The following VDR variants were observed in gnomAD, a reference collection of about 807,000 sequenced individuals.
VDR encodes the protein vitamin D receptor.
Under a neutral mutation model 39.7 loss-of-function variants are expected in VDR, and 19 were observed. That is an observed-to-expected ratio of 0.48 (90% CI 0.33 to 0.70). VDR has a LOEUF of 0.70. Among genes scored for constraint, VDR ranks in the 30% least tolerant of loss-of-function variants. The pLI is 0.02. For synonymous variants in VDR, 242 were observed against 215.8 expected, an observed-to-expected ratio of 1.12 and a Z score of -1.07; for missense variants, 442 against 570.5, an observed-to-expected ratio of 0.77 and a Z score of 2.29.
chr12:47,893,470 A>C (rs1338062447), intron 1 of VDR, among the ~76,000 whole-genome samples: 2 of 152,240 alleles, frequency 1.3e-5, no homozygotes, highest in Non-Finnish European at 2.9e-5. Flanking sequence ...AATAGAAAAA[A>C]AAAAGGTTTT....
chr12:47,883,360 C>G (rs201982703), intron 1 of VDR, among the ~76,000 whole-genome samples: 3 of 152,114 alleles, frequency 2.0e-5, no homozygotes, highest in East Asian at 1.9e-4. Context: ...CTGTGGAGAC[C>G]GGGTGTAGGC....
At chr12:47,878,460 A>C (rs560386515) in intron 3 of VDR, among the ~76,000 whole-genome samples, 1 of 152,238 alleles carries the variant, frequency 6.6e-6, no homozygotes, top group African/African-American at 2.4e-5. Context: ...GTTGGCTTTC[A>C]GACCAGGACA....
At chr12:47,847,236 C>G (rs11574103) in intron 7 of VDR, among the ~76,000 whole-genome samples, 4,833 of 152,188 alleles carry the variant, frequency 0.032, 108 homozygotes, top group Middle Eastern at 0.058. Context: ...TCAGCCAACT[C>G]TGTCTCTAGG....
At chr12:47,871,292 C>CTCTTTCTTTCTTTCTTTCTTTCTTT (rs1945856162) in intron 3 of VDR, among the ~76,000 whole-genome samples, 2 of 79,854 alleles carry the variant, frequency 2.5e-5, no homozygotes, top group African/African-American at 9.2e-5. Flanking sequence ...CTTTCTCTTT[C>CTCTTTCTTTCTTTCTTTCTTTCTTT]TCTTTCTTTC....
intron 1 of VDR, among the ~76,000 whole-genome samples, chr12:47,885,921 T>C (rs542753678): frequency 6.6e-6 from 1 of 152,260 alleles, no homozygotes; most frequent in African/African-American, 2.4e-5. Context: ...AACCACAACA[T>C]TCATGCCTCA....
intron 3 of VDR, among the ~76,000 whole-genome samples, chr12:47,867,170 A>G (rs1017402015): frequency 2.0e-5 from 3 of 152,186 alleles, no homozygotes; most frequent in African/African-American, 7.2e-5. Context: ...CCTGACCAAC[A>G]TAGTGAAACC....
At position 47,879,001 on chromosome 12, in the gene VDR, G is replaced by A. The variant is rs1946075589; in HGVS notation, c.113C>T (p.Ala38Val). The change falls in exon 3 of 10, where the codon GCT (alanine) becomes GTT (valine). Residue 38 changes from alanine (A) to valine (V), a missense_variant. Physicochemically the swap from Ala to Val is moderately conservative, Grantham distance 64. Coordinates refer to ENST00000549336, the MANE Select transcript of VDR (RefSeq NM_000376.3). ...GCCTTTGCAGCCTTCACAGGTCATA[G>A]CATTGAAGTGAAAGCCAGTGGCTCG... ...GDRATGFHFN[A>V]MTCEGCKGFF... 1.2e-6 allele frequency: 2 copies of A among 1,614,240 alleles called. No individual in the cohort carries two copies. Among genetic ancestry groups the A allele is most frequent in the African/African-American group, 1.3e-5 (1 of 75,048 alleles).
At chr12:47,883,237 G>A (rs1046885160) in intron 1 of VDR, among the ~76,000 whole-genome samples, 9 of 152,184 alleles carry the variant, frequency 5.9e-5, no homozygotes, top group African/African-American at 2.2e-4. Flanking sequence ...GGCTGCCCCA[G>A]GCAGGGCAGA....
chr12:47,873,273 C>T (rs1053128049), intron 3 of VDR, among the ~76,000 whole-genome samples: 1 of 151,836 alleles, frequency 6.6e-6, no homozygotes, highest in African/African-American at 2.4e-5. Flanking sequence ...CCTTGCTTCC[C>T]CTTTACCTTC....
At chr12:47,871,640 T>C (rs1186416527) in intron 3 of VDR, among the ~76,000 whole-genome samples, 1 of 151,992 alleles carries the variant, frequency 6.6e-6, no homozygotes, top group African/African-American at 2.4e-5. Flanking sequence ...ATTTTTTGTA[T>C]TTTCAATAGA....
intron 4 of VDR, among the ~76,000 whole-genome samples, chr12:47,864,301 G>T (rs1428261702): frequency 6.6e-6 from 1 of 152,230 alleles, no homozygotes; most frequent in Non-Finnish European, 1.5e-5. Flanking sequence ...CTGATGCAAA[G>T]TTCAAGTGTT....
At chr12:47,902,945 G>A (rs1023926168) in intron 1 of VDR, among the ~76,000 whole-genome samples, 12 of 152,236 alleles carry the variant, frequency 7.9e-5, no homozygotes, top group East Asian at 7.7e-4. Flanking sequence ...AGGTCCTCTC[G>A]GAGCTTCCTC....
chr12:47,883,151 C>T (rs1442884503), intron 1 of VDR, among the ~76,000 whole-genome samples: 1 of 152,210 alleles, frequency 6.6e-6, no homozygotes, highest in Non-Finnish European at 1.5e-5. Context: ...TCACTACCCC[C>T]TCCATCTCCA....
chr12:47,874,896 C>T (rs1200824980), intron 3 of VDR, among the ~76,000 whole-genome samples: 2 of 152,104 alleles, frequency 1.3e-5, no homozygotes, highest in East Asian at 3.8e-4. Context: ...AGACCTATTC[C>T]AAATGTTTTT....
chr12:47,844,471 G>T lies in VDR; in HGVS notation c.*275C>A. The T allele has an allele frequency of 1.7e-6, 1 of 578,396 alleles. No homozygotes were observed. Among genetic ancestry groups the T allele is most frequent in the Admixed American group, 3.0e-5 (1 of 33,026 alleles). 35.8% of individuals were successfully genotyped at this position (578,396 alleles called of 1,614,324 possible). A position where few individuals can be genotyped will look rare whatever the true frequency, so the allele number is the denominator to read the frequency against. On this transcript the variant is annotated 3_prime_UTR_variant, in exon 10 of 10. Coordinates refer to ENST00000549336, the MANE Select transcript of VDR (RefSeq NM_000376.3). ...TGGAGGCATCTCTGGGCAAGGCCCT[G>T]CCTCCAGCCTCTGCCCTCTGCCCCC...
At chr12:47,883,152 T>A (rs1946191891) in intron 1 of VDR, among the ~76,000 whole-genome samples, 1 of 152,136 alleles carries the variant, frequency 6.6e-6, no homozygotes, top group Non-Finnish European at 1.5e-5. Context: ...CACTACCCCC[T>A]CCATCTCCAG....
intron 3 of VDR, among the ~76,000 whole-genome samples, chr12:47,868,469 C>T (rs1446978951): frequency 6.6e-6 from 1 of 152,186 alleles, no homozygotes; most frequent in Non-Finnish European, 1.5e-5. Context: ...TTTCCATCTT[C>T]GTAGAAACAA....
intron 1 of VDR, among the ~76,000 whole-genome samples, chr12:47,898,991 G>C (rs1276014447): frequency 6.6e-6 from 1 of 152,090 alleles, no homozygotes; most frequent in African/African-American, 2.4e-5. Context: ...GTAGGTACAG[G>C]GTATAGGATT....
intron 4 of VDR, among the ~76,000 whole-genome samples, chr12:47,862,596 A>C (rs1945648121): frequency 6.6e-6 from 1 of 152,218 alleles, no homozygotes; most frequent in South Asian, 2.1e-4. Context: ...TTCTGTCCTC[A>C]TCCTTTCCCT....
Sources: gnomAD v4.1 joint callset for allele counts (sites outside exome capture counted in the v4.1 genomes callset) on GRCh38, gnomAD v4.1.1 for gene constraint, MANE v1.5 for transcripts, NCBI Gene and HGNC (gene_info 2026-07-23, HGNC 2026-07-21) for gene names.